The following PCDHGA9 variants were observed in gnomAD, a reference collection of about 807,000 sequenced individuals.
PCDHGA9 encodes protocadherin gamma subfamily A, 9.
PCDHGA9 carries 37 observed loss-of-function variants against 62.5 expected under a neutral mutation model. The observed-to-expected ratio is 0.59, with a 90% CI of 0.46 to 0.78. PCDHGA9 has a LOEUF of 0.78. Ranked by LOEUF, PCDHGA9 falls within the 30% of genes least tolerant of loss-of-function variation. The probability of loss-of-function intolerance (pLI) is 0.00; values close to 1 mark genes in which losing one functional copy is unlikely to be tolerated. For missense variants in PCDHGA9, 1,138 were observed against 1,166.2 expected, an observed-to-expected ratio of 0.98 and a Z score of 0.35; for synonymous variants, 459 against 484.6, an observed-to-expected ratio of 0.95 and a Z score of 0.69.
intron 1 of PCDHGA9, among the ~76,000 whole-genome samples, chr5:141,492,574 G>T (rs2099742096): frequency 6.6e-6 from 1 of 152,232 alleles, no homozygotes; most frequent in Non-Finnish European, 1.5e-5. Flanking sequence ...TGAGCGAGGC[G>T]CGGGGCCAGG....
At chr5:141,464,978 GT>G in intron 1 of PCDHGA9, among the ~76,000 whole-genome samples, 1 of 152,148 alleles carries the variant, frequency 6.6e-6, no homozygotes, top group East Asian at 1.9e-4. Context: ...CTGGCTTCAA[GT>G]GATCCTCCCA....
chr5:141,450,829 A>ATTT (rs373424450), intron 1 of PCDHGA9, among the ~76,000 whole-genome samples: 12,063 of 134,876 alleles, frequency 0.089, 619 homozygotes, highest in African/African-American at 0.14. Flanking sequence ...TATTATTATT[A>ATTT]TTTTTTTTTT....
At position 141,494,826 on chromosome 5, in the gene PCDHGA9, A is replaced by C; in HGVS notation, c.2444A>C (p.Asp815Ala). The change falls in exon 2 of 4, where the codon GAC becomes GCC. Residue 815 changes from aspartate to alanine, a missense_variant. Asp to Ala is a moderately radical substitution (Grantham distance 126, BLOSUM62 -2). Transcript: ENST00000573521. The part of the protein sequence containing the change: ...PLVPQAPPNT[D>A]WRFSQAQRPG... ...CCACAGCAAGCCCCGCCCAACACGGACTGGCGTTTCTCTCAGGCCCAGAGA... is the reference window on the plus strand; with the variant it reads ...CCACAGCAAGCCCCGCCCAACACGGCCTGGCGTTTCTCTCAGGCCCAGAGA... 4 of 1,613,960 alleles carry C rather than the reference A, an allele frequency of 2.5e-6. No individual in the cohort carries two copies. Among genetic ancestry groups the C allele is most frequent in the Non-Finnish European group, 3.4e-6 (4 of 1,179,976 alleles).
intron 1 of PCDHGA9, chr5:141,419,467 C>T: frequency 6.2e-7 from 1 of 1,612,476 alleles, no homozygotes; most frequent in Non-Finnish European, 8.5e-7. Context: ...AGGCCCGCGA[C>T]CAGGGCTCGC....
At chr5:141,488,951 A>G (rs2099680664) in intron 1 of PCDHGA9, among the ~76,000 whole-genome samples, 1 of 152,118 alleles carries the variant, frequency 6.6e-6, no homozygotes, top group Admixed American at 6.5e-5. Flanking sequence ...ATTGGTTGAG[A>G]GCACACAGAC....
At chr5:141,423,990 T>A (rs2096793990) in intron 1 of PCDHGA9, 2 of 1,090,000 alleles carry the variant, frequency 1.8e-6, no homozygotes, top group East Asian at 1.1e-4. Flanking sequence ...GCTCTCAATT[T>A]ATTATATATA....
At position 141,432,436 on chromosome 5, in the gene PCDHGA9, G is replaced by C; in HGVS notation, c.2424+27060G>C. ...TCGTGCTGGACCAGAACGACAATGC[G>C]CCCGAGATCCTGTACCCCGCCCTCC... On this transcript the variant is annotated intron_variant, in intron 1 of 3. Transcript: ENST00000573521. This position sits in a 1 kb window ranked among gnomAD's most constrained non-coding sequence, Gnocchi z 6.0. 1 of 1,614,196 alleles carries C rather than the reference G, an allele frequency of 6.2e-7. No individual in the cohort carries two copies. Among genetic ancestry groups the C allele is most frequent in the Middle Eastern group, 1.6e-4 (1 of 6,062 alleles).
chr5:141,431,828 C>T lies in PCDHGA9; in HGVS notation c.2424+26452C>T. The T allele has an allele frequency of 6.2e-7, 1 of 1,610,208 alleles. No individual in the cohort carries two copies. Among genetic ancestry groups the T allele is most frequent in the Non-Finnish European group, 8.5e-7 (1 of 1,176,374 alleles). On this transcript the variant is annotated intron_variant, in intron 1 of 3. Transcript: ENST00000573521. This position sits in a 1 kb window ranked among gnomAD's most constrained non-coding sequence, Gnocchi z 4.8. Reference sequence around the variant, plus strand: ...CCTCACCTCTCTCGCCAGCTCGGTTCCCGAAAACTCTCCCAGAGGGACATT... The same window carrying T: ...CCTCACCTCTCTCGCCAGCTCGGTTTCCGAAAACTCTCCCAGAGGGACATT...
chr5:141,438,651 CAT>C (rs2098045358), intron 1 of PCDHGA9, among the ~76,000 whole-genome samples: 1 of 83,744 alleles, frequency 1.2e-5, no homozygotes, highest in East Asian at 3.2e-4. Context: ...CACACACACA[CAT>C]ATATGTATAT....
chr5:141,461,409 A>ATATGTTTGT (rs1491521215), intron 1 of PCDHGA9, among the ~76,000 whole-genome samples: 2 of 151,810 alleles, frequency 1.3e-5, no homozygotes, highest in Non-Finnish European at 2.9e-5. Context: ...GCATTTTTTC[A>ATATGTTTGT]TATGTTTGTG....
At chr5:141,419,306 C>T in intron 1 of PCDHGA9, 1 of 1,614,032 alleles carries the variant, frequency 6.2e-7, no homozygotes, top group Non-Finnish European at 8.5e-7. Context: ...AGACTTCGGG[C>T]TCAACGGCCG....
At chr5:141,474,143 T>C (rs933805562) in intron 1 of PCDHGA9, among the ~76,000 whole-genome samples, 5 of 152,188 alleles carry the variant, frequency 3.3e-5, no homozygotes, top group Non-Finnish European at 5.9e-5. Flanking sequence ...CAGGCCTTAT[T>C]ATCAAGAAAA....
intron 1 of PCDHGA9, among the ~76,000 whole-genome samples, chr5:141,449,003 T>A (rs2098622649): frequency 1.3e-5 from 2 of 152,280 alleles, no homozygotes; most frequent in African/African-American, 4.8e-5. Context: ...AAAGCTGTTT[T>A]TTTTAACAGT....
rs1349935659 is a variant in PCDHGA9 at position 141,507,722 on chromosome 5, A to C, written c.2572+2241A>C. 6.6e-5 allele frequency among the ~76,000 whole-genome samples: 10 copies of C among 152,354 alleles called. No homozygotes were observed. In the East Asian group the frequency reaches 1.9e-3, roughly 29 times the overall value. ...ATTTATGGCCCCAAACCCTCCAAGC[A>C]AGTCATGCAGCTCGTTCCCCTGTCA... On this transcript the variant is annotated intron_variant, in intron 3 of 3. Coordinates refer to ENST00000573521, the MANE Select transcript of PCDHGA9 (RefSeq NM_018921.3).
intron 1 of PCDHGA9, among the ~76,000 whole-genome samples, chr5:141,467,702 C>T (rs2099149453): frequency 6.6e-6 from 1 of 152,086 alleles, no homozygotes; most frequent in South Asian, 2.1e-4. Context: ...GGCTCTGTTG[C>T]CCAGGCTGGA....
At chr5:141,418,685 G>A (rs750217981) in intron 1 of PCDHGA9, 1 of 1,614,056 alleles carries the variant, frequency 6.2e-7, no homozygotes, top group African/African-American at 1.3e-5. Context: ...CATCAACTCA[G>A]AGATCACTTA....
Position 141,404,540 on chromosome 5 carries a change from A to G in PCDHGA9, c.1588A>G (p.Met530Val). Residue 530 changes from methionine (M) to valine (V), a missense_variant, in exon 1 of 4, where the codon ATG becomes GTG. Physicochemically the swap from Met to Val is conservative, Grantham distance 21. Transcript: ENST00000573521. ...CTATGAGCAGTTTAGAGATTTGCAA[A>G]TGCAGGTGACGGCAAGTGACAGTGG... is the stretch of plus-strand genomic sequence containing the variant. ...FDYEQFRDLQ[M>V]QVTASDSGSP... 2 of 1,613,920 alleles carry G rather than the reference A, an allele frequency of 1.2e-6. No homozygotes were observed. The highest frequency in any genetic ancestry group is 1.7e-6 in the Non-Finnish European group (2 of 1,179,826).
At chr5:141,459,156 T>C (rs920698328) in intron 1 of PCDHGA9, among the ~76,000 whole-genome samples, 1 of 152,188 alleles carries the variant, frequency 6.6e-6, no homozygotes, top group Non-Finnish European at 1.5e-5. Flanking sequence ...ATATAGAACA[T>C]TTCTATAACC....
At chr5:141,430,877 G>A (rs1392342627) in intron 1 of PCDHGA9, 5 of 1,600,678 alleles carry the variant, frequency 3.1e-6, no homozygotes, top group African/African-American at 2.7e-5. Context: ...GGAAGAGCTG[G>A]AGAAAGGCTC....
Sources: allele counts gnomAD v4.1 joint callset (sites outside exome capture counted in the v4.1 genomes callset), GRCh38; gene constraint gnomAD v4.1.1; non-coding constraint Gnocchi (gnomAD v3.1); transcripts MANE v1.5; gene names NCBI Gene and HGNC (gene_info 2026-07-23, HGNC 2026-07-21).